SIL1: variants seen among roughly 807,000 people sequenced by gnomAD.
SIL1 encodes the protein nucleotide exchange factor SIL1.
Under a neutral mutation model 49.1 loss-of-function variants are expected in SIL1, and 40 were observed. That is an observed-to-expected ratio of 0.81 (90% confidence interval 0.63 to 1.06). The LOEUF (loss-of-function observed/expected upper bound fraction) is 1.06. Among genes scored for constraint, SIL1 ranks in the 50% least tolerant of loss-of-function variants. The pLI is 0.00. For synonymous variants in SIL1, 253 were observed against 250.8 expected, an observed-to-expected ratio of 1.01 and a Z score of -0.08; for missense variants, 500 against 572.6, an observed-to-expected ratio of 0.87 and a Z score of 1.29.
intron 7 of SIL1, among the ~76,000 whole-genome samples, chr5:139,002,949 C>T (rs1054342890): frequency 6.6e-6 from 1 of 152,074 alleles, no homozygotes; most frequent in Non-Finnish European, 1.5e-5. Flanking sequence ...TCAGTTCCTT[C>T]GGGAAGAGAT....
chr5:139,185,834 A>T (rs1752069132), intron 1 of SIL1, among the ~76,000 whole-genome samples: 1 of 152,196 alleles, frequency 6.6e-6, no homozygotes. Flanking sequence ...GCACTTAGGG[A>T]CTATGAAAAA....
At chr5:139,190,197 T>C (rs542409781) in intron 1 of SIL1, among the ~76,000 whole-genome samples, 1 of 152,326 alleles carries the variant, frequency 6.6e-6, no homozygotes, top group East Asian at 1.9e-4. Flanking sequence ...TCTCTTTCTC[T>C]TAGAGATGTC....
At position 138,951,816 on chromosome 5, in the gene SIL1, G is replaced by A. The variant is rs535287958; in HGVS notation, c.836C>T (p.Thr279Met). ...CTTCTTTGCAGTGAGCGGCTGCTCC[G>A]TGGCCAGGATGACCAGCAGCTTCTG... ...ALQKLLVILATEQPLTAKKKV... is the reference protein window; with the variant it reads ...ALQKLLVILAMEQPLTAKKKV... Residue 279 changes from threonine to methionine, a missense_variant, in exon 8 of 10, where the codon ACG becomes ATG. By Grantham distance (81) the Thr-to-Met change is moderately conservative. Coordinates refer to ENST00000394817, the MANE Select transcript of SIL1 (RefSeq NM_022464.5). The A allele has an allele frequency of 3.4e-5, 55 of 1,614,048 alleles. No homozygotes were observed. Among genetic ancestry groups the A allele is most frequent in the South Asian group, 1.4e-4 (13 of 91,090 alleles).
intron 7 of SIL1, among the ~76,000 whole-genome samples, chr5:139,004,160 C>G (rs1356976308): frequency 6.6e-6 from 1 of 152,162 alleles, no homozygotes. Context: ...TATTCGCCTG[C>G]TTTAATTTTT....
chr5:139,049,770 G>A (rs1407286400), intron 4 of SIL1, among the ~76,000 whole-genome samples: 1 of 149,892 alleles, frequency 6.7e-6, no homozygotes, highest in Non-Finnish European at 1.5e-5. Flanking sequence ...TCCAGCCTAG[G>A]CAACAGAGCA....
intron 1 of SIL1, among the ~76,000 whole-genome samples, chr5:139,182,057 C>A (rs1024909957): frequency 6.6e-6 from 1 of 152,120 alleles, no homozygotes; most frequent in African/African-American, 2.4e-5. Context: ...ACACTATAAT[C>A]TGTGTGCAAG....
chr5:138,998,320 A>G (rs143624845), intron 7 of SIL1, among the ~76,000 whole-genome samples: 1,915 of 152,144 alleles, frequency 0.013, 35 homozygotes, highest in African/African-American at 0.043. Flanking sequence ...GGCGCGCACC[A>G]CCACACTTGG....
chr5:139,040,893 T>C (rs1393658362), intron 5 of SIL1, among the ~76,000 whole-genome samples: 1 of 152,186 alleles, frequency 6.6e-6, no homozygotes, highest in Non-Finnish European at 1.5e-5. Flanking sequence ...ATTGAATTAC[T>C]GGGGTGGGGG....
At chr5:139,039,407 G>T (rs1380056422) in intron 5 of SIL1, among the ~76,000 whole-genome samples, 1 of 152,178 alleles carries the variant, frequency 6.6e-6, no homozygotes, top group Admixed American at 6.5e-5. Flanking sequence ...AGTTGGACAG[G>T]TATTGTAAAT....
At chr5:139,138,813 G>A (rs1435699182) in intron 1 of SIL1, among the ~76,000 whole-genome samples, 4 of 152,168 alleles carry the variant, frequency 2.6e-5, no homozygotes, top group African/African-American at 9.7e-5. Flanking sequence ...AGCAGCGAGG[G>A]CTTCACCCCC....
intron 3 of SIL1, among the ~76,000 whole-genome samples, chr5:139,098,600 T>C (rs1002858016): frequency 6.6e-6 from 1 of 151,990 alleles, no homozygotes; most frequent in African/African-American, 2.4e-5. Flanking sequence ...AATGGGATCA[T>C]ATCAAATTAA....
intron 1 of SIL1, among the ~76,000 whole-genome samples, chr5:139,184,286 C>A (rs1281643983): frequency 6.6e-6 from 1 of 152,180 alleles, no homozygotes; most frequent in Non-Finnish European, 1.5e-5. Context: ...ACAAAGCTAC[C>A]TGGATTAGTC....
At chr5:139,096,392 A>C (rs1459831296) in intron 3 of SIL1, among the ~76,000 whole-genome samples, 1 of 152,096 alleles carries the variant, frequency 6.6e-6, no homozygotes, top group Non-Finnish European at 1.5e-5. Context: ...AGGTGAGTCC[A>C]AATGCTGAAC....
intron 2 of SIL1, among the ~76,000 whole-genome samples, chr5:139,126,639 C>G (rs375826179): frequency 6.6e-6 from 1 of 152,182 alleles, no homozygotes; most frequent in African/African-American, 2.4e-5. Flanking sequence ...ACAGCACCAA[C>G]AGGATCTCAG....
chr5:139,090,069 G>A (rs188453059), intron 3 of SIL1, among the ~76,000 whole-genome samples: 1 of 151,924 alleles, frequency 6.6e-6, no homozygotes, highest in African/African-American at 2.4e-5. Flanking sequence ...AACTTCTCAA[G>A]GAATGTCTAG....
intron 5 of SIL1, among the ~76,000 whole-genome samples, chr5:139,030,111 G>T (rs1463749447): frequency 2.6e-5 from 4 of 151,190 alleles, no homozygotes; most frequent in African/African-American, 9.7e-5. Context: ...TGAGCCAGGA[G>T]TTCGAGAACA....
chr5:139,131,050 C>T (rs1032877656), intron 1 of SIL1, among the ~76,000 whole-genome samples: 3 of 152,008 alleles, frequency 2.0e-5, no homozygotes, highest in Admixed American at 6.6e-5. Context: ...CTAGGATAGA[C>T]GTCAAGAAAA....
At chr5:139,013,651 C>G (rs1222886751) in intron 7 of SIL1, 2 of 152,172 alleles carry the variant, frequency 1.3e-5, no homozygotes, top group Non-Finnish European at 2.9e-5. Flanking sequence ...TCTACAGTTT[C>G]TTGTTGGCTG....
intron 7 of SIL1, among the ~76,000 whole-genome samples, chr5:138,991,035 C>T (rs1300022060): frequency 6.6e-6 from 1 of 152,236 alleles, no homozygotes; most frequent in Non-Finnish European, 1.5e-5. Flanking sequence ...CTTTTTAAAA[C>T]AGTCTTTATC....
Sources: allele counts gnomAD v4.1 joint callset (sites outside exome capture counted in the v4.1 genomes callset), GRCh38; gene constraint gnomAD v4.1.1; transcripts MANE v1.5; gene names NCBI Gene and HGNC (gene_info 2026-07-23, HGNC 2026-07-21).